Variants in GTF2IRD1 observed in about 807,000 individuals in gnomAD.
GTF2IRD1 encodes general transcription factor II-I repeat domain-containing protein 1.
GTF2IRD1 carries 26 observed loss-of-function variants against 113.2 expected under a neutral mutation model. That is an observed-to-expected ratio of 0.23 (90% confidence interval 0.17 to 0.32). GTF2IRD1 has a LOEUF of 0.32. Ranked by LOEUF, GTF2IRD1 falls within the 10% of genes least tolerant of loss-of-function variation. The probability of loss-of-function intolerance (pLI) is 1.00; values close to 1 mark genes in which losing one functional copy is unlikely to be tolerated. For missense variants in GTF2IRD1, 864 were observed against 1,280.8 expected (o/e 0.67, Z 4.97); for synonymous variants, 484 against 529.1 (o/e 0.91, Z 1.17).
chr7:74,476,411 C>G (rs1554333558), intron 1 of GTF2IRD1, among the ~76,000 whole-genome samples: 1 of 128,812 alleles, frequency 7.8e-6, no homozygotes, highest in Non-Finnish European at 1.6e-5. Context: ...GTCGCCCAGG[C>G]TGGAGTGCAG....
At chr7:74,569,791 G>A (rs1554362036) in intron 22 of GTF2IRD1, among the ~76,000 whole-genome samples, 1 of 152,132 alleles carries the variant, frequency 6.6e-6, no homozygotes, top group East Asian at 1.9e-4. Flanking sequence ...AGGGCGGAAG[G>A]TTCCGGAAGG....
chr7:74,497,355 G>T (rs782276989), intron 1 of GTF2IRD1, among the ~76,000 whole-genome samples: 1 of 152,022 alleles, frequency 6.6e-6, no homozygotes, highest in Non-Finnish European at 1.5e-5. Flanking sequence ...CCCAACCTCC[G>T]CAGGCTCAAG....
rs781915900 is a variant in GTF2IRD1, at chr7:74,496,419, ATG to A, written c.-6-11649_-6-11648del. ...TGGGTGTGTGTGCATGTGGGTGTCA[ATG>A]TGTGTGCATGTGTGTATGCATTTGA... On this transcript the variant is annotated intron_variant, in intron 1 of 26. Coordinates refer to ENST00000424337, the MANE Select transcript of GTF2IRD1 (RefSeq NM_005685.4). 4.0e-5 allele frequency among the ~76,000 whole-genome samples: 5 copies of A among 125,022 alleles called. No individual in the cohort carries two copies. In the East Asian group the frequency reaches 7.4e-4, roughly 19 times the overall value. The allele number at this position is 125,022 out of a possible 152,430, so 82.0% of individuals were successfully genotyped here.
At chr7:74,574,409 G>T (rs1202317458) in intron 22 of GTF2IRD1, among the ~76,000 whole-genome samples, 6 of 150,010 alleles carry the variant, frequency 4.0e-5, no homozygotes, top group African/African-American at 1.5e-4. Context: ...TTCCCAAAGT[G>T]CTGGGATTAC....
At chr7:74,600,514 G>T (rs1802687880) in intron 25 of GTF2IRD1, among the ~76,000 whole-genome samples, 1 of 152,118 alleles carries the variant, frequency 6.6e-6, no homozygotes, top group African/African-American at 2.4e-5. Flanking sequence ...TTCAAGAGCT[G>T]CCTGCCCAAC....
At chr7:74,544,214 G>A (rs781917313) in intron 14 of GTF2IRD1, among the ~76,000 whole-genome samples, 2 of 152,042 alleles carry the variant, frequency 1.3e-5, no homozygotes, top group Admixed American at 6.6e-5. Flanking sequence ...TTTTTGAGAC[G>A]GAGTCTCACT....
intron 22 of GTF2IRD1, among the ~76,000 whole-genome samples, chr7:74,573,771 T>C (rs1323942285): frequency 6.6e-6 from 1 of 151,670 alleles, no homozygotes; most frequent in Non-Finnish European, 1.5e-5. Context: ...GAGGTGGAGG[T>C]TGGGGGCCAT....
chr7:74,490,047 A>AT (rs1795248205), intron 1 of GTF2IRD1, among the ~76,000 whole-genome samples: 1 of 151,906 alleles, frequency 6.6e-6, no homozygotes, highest in Non-Finnish European at 1.5e-5. Context: ...AGCTCATTGC[A>AT]GCCTTGACCT....
At chr7:74,602,225 G>A in intron 26 of GTF2IRD1, 140 bp from the exon 27 acceptor site, 1 of 990,558 alleles carries the variant, frequency 1.0e-6, no homozygotes. Flanking sequence ...CTGGGCAGAA[G>A]AGTGAAACTC....
chr7:74,482,009 C>A (rs1247694650), intron 1 of GTF2IRD1, among the ~76,000 whole-genome samples: 1 of 152,038 alleles, frequency 6.6e-6, no homozygotes, highest in African/African-American at 2.4e-5. Context: ...GGTTTTGTCT[C>A]CAGTGACATT....
chr7:74,541,429 C>A (rs587632747), intron 14 of GTF2IRD1, among the ~76,000 whole-genome samples: 1 of 152,008 alleles, frequency 6.6e-6, no homozygotes, highest in Non-Finnish European at 1.5e-5. Flanking sequence ...AGCTTGAGAC[C>A]AGCCTGGGCA....
intron 22 of GTF2IRD1, among the ~76,000 whole-genome samples, chr7:74,586,925 C>T (rs1187661618): frequency 6.6e-6 from 1 of 151,756 alleles, no homozygotes; most frequent in Non-Finnish European, 1.5e-5. Flanking sequence ...ACAGGAGGAT[C>T]GCTTGAGCTT....
In GTF2IRD1 at chr7:74,544,789, G is replaced by A. The variant is rs1554352777; in HGVS notation, c.1653G>A (p.Glu551=). ...TGAGTGAGGACGCGCGGCCCGAGGA[G>A]AGGCCCGTGGAGGGTGAGGCCCTGT... ...KGLSEDARPE[E]RPVEDSHGDV... The change falls in exon 15 of 27, where the codon GAG becomes GAA. Residue 551 remains glutamate, a synonymous_variant. Coordinates refer to ENST00000424337, the MANE Select transcript of GTF2IRD1 (RefSeq NM_005685.4). 6.2e-7 allele frequency: 1 copy of A among 1,613,854 alleles called. No homozygotes were observed. Among genetic ancestry groups the A allele is most frequent in the South Asian group, 1.1e-5 (1 of 91,068 alleles).
Position 74,512,993 on chromosome 7 carries a change from AGGGCC to A in GTF2IRD1, c.265+28_265+32del. On this transcript the variant is annotated intron_variant, in intron 3 of 26. Transcript: ENST00000424337. The surrounding 1 kb of genome is among the most constrained non-coding windows in gnomAD (Gnocchi z 4.4). ...TGCCGTGAGTACCCCAGGGCTCCGG[AGGGCC>A]GGGCCCGCCATTTCCCGAGGGCAGG... 6.2e-7 allele frequency: 1 copy of A among 1,606,986 alleles called. No homozygotes were observed. Among genetic ancestry groups the A allele is most frequent in the Non-Finnish European group, 8.5e-7 (1 of 1,176,584 alleles).
chr7:74,559,709 C>T (rs1344299409), intron 22 of GTF2IRD1, 54 bp downstream of exon 22: 23 of 1,470,704 alleles, frequency 1.6e-5, no homozygotes, highest in Non-Finnish European at 1.8e-5. Flanking sequence ...GATCGTGGTG[C>T]TGGGGACTGG....
intron 25 of GTF2IRD1, among the ~76,000 whole-genome samples, chr7:74,598,326 C>T (rs1802545300): frequency 6.6e-6 from 1 of 151,954 alleles, no homozygotes; most frequent in African/African-American, 2.4e-5. Flanking sequence ...GGAGGCCAGT[C>T]GCGGTGGCTC....
chr7:74,477,798 C>T (rs1397774339), intron 1 of GTF2IRD1, among the ~76,000 whole-genome samples: 1 of 152,182 alleles, frequency 6.6e-6, no homozygotes, highest in African/African-American at 2.4e-5. Flanking sequence ...TGAGCCAGCG[C>T]CCCAGGATTA....
At chr7:74,521,986 C>T (rs191791550) in intron 7 of GTF2IRD1, among the ~76,000 whole-genome samples, 22 of 152,116 alleles carry the variant, frequency 1.4e-4, no homozygotes, top group East Asian at 5.8e-4. Context: ...CTCATTCACA[C>T]GGCTGTTCGT....
intron 25 of GTF2IRD1, among the ~76,000 whole-genome samples, chr7:74,596,518 C>G (rs1802425617): frequency 6.6e-6 from 1 of 151,574 alleles, no homozygotes; most frequent in South Asian, 2.1e-4. Flanking sequence ...TGGTGCACGC[C>G]TGCAGTCCCA....
Sources: allele counts gnomAD v4.1 joint callset (sites outside exome capture counted in the v4.1 genomes callset), GRCh38; gene constraint gnomAD v4.1.1; non-coding constraint Gnocchi (gnomAD v3.1); transcripts MANE v1.5; gene names NCBI Gene and HGNC (gene_info 2026-07-23, HGNC 2026-07-21).